The following ANKS1B variants were observed in gnomAD, a reference collection of about 807,000 sequenced individuals.
ANKS1B encodes ankyrin repeat and sterile alpha motif domain-containing protein 1B.
A neutral mutation model predicts 148.3 loss-of-function variants in ANKS1B; 36 were observed. The observed-to-expected ratio is 0.24, with a 90% CI of 0.19 to 0.32. The LOEUF (loss-of-function observed/expected upper bound fraction) is 0.32. ANKS1B is among the 10% of genes least tolerant of loss of function. The probability of loss-of-function intolerance (pLI) is 1.00; values close to 1 mark genes in which losing one functional copy is unlikely to be tolerated. For missense variants in ANKS1B, 1,157 were observed against 1,542.6 expected (o/e 0.75, Z 4.19); for synonymous variants, 542 against 560.8 (o/e 0.97, Z 0.47).
Position 98,953,537 on chromosome 12 carries a change from G to GTTTTTTTTTTTTT in ANKS1B, c.2778+99607_2778+99619dup, listed in dbSNP as rs1166158783. Among the ~76,000 whole-genome samples, 58 of 57,456 alleles carry GTTTTTTTTTTTTT rather than the reference G, an allele frequency of 1.0e-3. 6 individuals carry two copies. Among genetic ancestry groups the GTTTTTTTTTTTTT allele is most frequent in the African/African-American group, 3.9e-3 (53 of 13,570 alleles). 37.7% of individuals were successfully genotyped at this position (57,456 alleles called of 152,430 possible). A position where few individuals can be genotyped will look rare whatever the true frequency, so the allele number is the denominator to read the frequency against. On this transcript the variant is annotated intron_variant, in intron 17 of 26. Transcript: ENST00000683438. Reference sequence around the variant, plus strand: ...CATGTCCATTTGAGAATCTAGAGTGGTTTTTTTTTTTTTTTTTTTTTTTTT... The same window carrying GTTTTTTTTTTTTT: ...CATGTCCATTTGAGAATCTAGAGTGGTTTTTTTTTTTTTTTTTTTTTTTTTTTTTTTTTTTTTT...
intron 12 of ANKS1B, among the ~76,000 whole-genome samples, chr12:99,263,619 C>T (rs1232238358): frequency 2.0e-5 from 3 of 152,046 alleles, no homozygotes; most frequent in Admixed American, 6.6e-5. Flanking sequence ...AATCTTATCT[C>T]GAATTGTAAT....
At chr12:98,739,249 T>C (rs1260266246), downstream of ANKS1B, among the ~76,000 whole-genome samples, 1 of 152,152 alleles carries the variant, frequency 6.6e-6, no homozygotes, top group Non-Finnish European at 1.5e-5. Context: ...CGTTACTCAC[T>C]TGCATCAGGA....
chr12:99,950,668 C>T (rs2095195742), intron 1 of ANKS1B, among the ~76,000 whole-genome samples: 1 of 152,066 alleles, frequency 6.6e-6, no homozygotes, highest in South Asian at 2.1e-4. Flanking sequence ...TTGTTCTGTT[C>T]ATTTTTTTCC....
At chr12:99,903,682 T>C (rs1001822594) in intron 1 of ANKS1B, among the ~76,000 whole-genome samples, 3 of 151,852 alleles carry the variant, frequency 2.0e-5, no homozygotes, top group Non-Finnish European at 4.4e-5. Flanking sequence ...TAATATGCAC[T>C]CAATATACAA....
intron 9 of ANKS1B, among the ~76,000 whole-genome samples, chr12:99,611,366 T>C (rs917347150): frequency 2.0e-5 from 3 of 152,126 alleles, no homozygotes; most frequent in Non-Finnish European, 2.9e-5. Flanking sequence ...AACCTAATCA[T>C]CACTTTGTAA....
chr12:99,769,497 A>T (rs1354026839), intron 8 of ANKS1B, among the ~76,000 whole-genome samples: 1 of 152,182 alleles, frequency 6.6e-6, no homozygotes, highest in Non-Finnish European at 1.5e-5. Context: ...CACTTTCAGG[A>T]GAACTCTCCT....
At chr12:99,026,604 A>T (rs1054589581) in intron 17 of ANKS1B, among the ~76,000 whole-genome samples, 7 of 117,096 alleles carry the variant, frequency 6.0e-5, no homozygotes, top group African/African-American at 2.2e-4. Context: ...CTTCTAGTTC[A>T]GAAATGCATT....
intron 22 of ANKS1B, among the ~76,000 whole-genome samples, chr12:98,798,679 C>A (rs1323410965): frequency 6.6e-6 from 1 of 152,034 alleles, no homozygotes; most frequent in African/African-American, 2.4e-5. Context: ...GAAAATGATA[C>A]AATTAATTTT....
intron 9 of ANKS1B, among the ~76,000 whole-genome samples, chr12:99,628,418 G>A (rs985696661): frequency 2.6e-5 from 4 of 152,126 alleles, no homozygotes; most frequent in African/African-American, 9.7e-5. Flanking sequence ...GTGAAATTTT[G>A]AGCTTTGAGC....
intron 8 of ANKS1B, among the ~76,000 whole-genome samples, chr12:99,711,770 T>C (rs1426682004): frequency 1.3e-5 from 2 of 152,176 alleles, no homozygotes; most frequent in East Asian, 1.9e-4. Flanking sequence ...AGTTCAACCA[T>C]TGTGGAAGAC....
intron 10 of ANKS1B, among the ~76,000 whole-genome samples, chr12:99,463,613 A>T (rs2096030977): frequency 6.6e-6 from 1 of 152,220 alleles, no homozygotes; most frequent in African/African-American, 2.4e-5. Flanking sequence ...CGACAGGCTT[A>T]AAAAACGGTG....
At chr12:99,418,270 A>G (rs753492564) in intron 11 of ANKS1B, among the ~76,000 whole-genome samples, 16 of 152,250 alleles carry the variant, frequency 1.1e-4, no homozygotes, top group Non-Finnish European at 1.0e-4. Flanking sequence ...AAATAAAATA[A>G]TCAGGGGATA....
At chr12:99,566,273 A>T (rs1409406549) in intron 9 of ANKS1B, among the ~76,000 whole-genome samples, 1 of 152,176 alleles carries the variant, frequency 6.6e-6, no homozygotes, top group East Asian at 1.9e-4. Flanking sequence ...CAACTTCAAT[A>T]CTTTGCTTGA....
chr12:99,791,825 T>C (rs915403559), intron 4 of ANKS1B, among the ~76,000 whole-genome samples: 3 of 43,394 alleles, frequency 6.9e-5, no homozygotes, highest in African/African-American at 1.2e-4. Flanking sequence ...ATAAATAATC[T>C]AATGATGCAT....
rs943618905 is a variant in ANKS1B at position 99,717,899 on chromosome 12, C to CTTT, written c.1128+55020_1128+55022dup. On this transcript the variant is annotated intron_variant, in intron 8 of 26. Transcript: ENST00000683438. The stretch of plus-strand genomic sequence containing the variant: ...CTCTGGTGCCAACTTAGACAATACT[C>CTTT]TTTTTTTTTTTTTTTTTTTTTTGAG... 7.4e-3 allele frequency among the ~76,000 whole-genome samples: 822 copies of CTTT among 111,024 alleles called. 39 individuals carry two copies. The highest frequency in any genetic ancestry group is 0.043 in the South Asian group (123 of 2,844). The allele number at this position is 111,024 out of a possible 152,430, so 72.8% of individuals were successfully genotyped here. A position where few individuals can be genotyped will look rare whatever the true frequency, so the allele number is the denominator to read the frequency against.
At chr12:99,555,672 C>T (rs904216035) in intron 9 of ANKS1B, among the ~76,000 whole-genome samples, 1 of 152,106 alleles carries the variant, frequency 6.6e-6, no homozygotes, top group African/African-American at 2.4e-5. Flanking sequence ...TATCAAAAGC[C>T]TTTTCTACAT....
At chr12:99,474,759 C>T (rs1010449463) in intron 10 of ANKS1B, among the ~76,000 whole-genome samples, 2 of 151,920 alleles carry the variant, frequency 1.3e-5, no homozygotes, top group African/African-American at 4.8e-5. Context: ...ATCCTGGAAA[C>T]TATTTTATCT....
intron 17 of ANKS1B, among the ~76,000 whole-genome samples, chr12:98,868,605 C>A (rs1360882516): frequency 6.6e-6 from 1 of 152,222 alleles, no homozygotes. Context: ...GAACAACAAA[C>A]TTCCCCGAAT....
chr12:99,464,479 C>T (rs1263377053), intron 10 of ANKS1B, among the ~76,000 whole-genome samples: 32 of 151,672 alleles, frequency 2.1e-4, no homozygotes, highest in African/African-American at 5.8e-4. Flanking sequence ...AGGCTTCAGA[C>T]GATCAAACTA....
Sources: allele counts gnomAD v4.1 joint callset (sites outside exome capture counted in the v4.1 genomes callset), GRCh38; gene constraint gnomAD v4.1.1; transcripts MANE v1.5; gene names NCBI Gene and HGNC (gene_info 2026-07-23, HGNC 2026-07-21).